ARHGAP44: variants seen among roughly 807,000 people sequenced by gnomAD.
ARHGAP44 encodes the protein rho GTPase-activating protein 44.
Under a neutral mutation model 106.8 loss-of-function variants are expected in ARHGAP44, and 43 were observed. That is an observed-to-expected ratio of 0.40 (90% CI 0.32 to 0.52). ARHGAP44 has a LOEUF of 0.52. Ranked by LOEUF, ARHGAP44 falls within the 20% of genes least tolerant of loss-of-function variation. ARHGAP44 has a pLI of 0.48. For synonymous variants in ARHGAP44, 439 were observed against 410.3 expected (o/e 1.07, Z -0.85); for missense variants, 866 against 1,050.5 (o/e 0.82, Z 2.43).
chr17:12,915,463 T>C (rs541295888), intron 4 of ARHGAP44, among the ~76,000 whole-genome samples: 2 of 152,358 alleles, frequency 1.3e-5, no homozygotes, highest in South Asian at 2.1e-4. Context: ...GATAATTGTC[T>C]ATATATCCAT....
In ARHGAP44 at chr17:12,949,392, T is replaced by C; in HGVS notation, c.973+141T>C. 1.0e-6 allele frequency: 1 copy of C among 968,772 alleles called. No individual in the cohort carries two copies. Among genetic ancestry groups the C allele is most frequent in the Non-Finnish European group, 1.5e-6 (1 of 654,760 alleles). The allele number at this position is 968,772 out of a possible 1,614,324, so 60.0% of individuals were successfully genotyped here. ...AGATGTGTCCACTCAGTGCCCAGTT[T>C]CAGGGCTGGGTGCTCTGGCCCCTTG... On this transcript the variant is annotated intron_variant, in intron 11 of 20. Transcript: ENST00000379672. The surrounding 1 kb of genome is among the most constrained non-coding windows in gnomAD (Gnocchi z 4.1).
intron 3 of ARHGAP44, among the ~76,000 whole-genome samples, chr17:12,906,379 T>C (rs1464784967): frequency 6.6e-6 from 1 of 152,152 alleles, no homozygotes; most frequent in Non-Finnish European, 1.5e-5. Context: ...AAGGGCTCAG[T>C]CCTACAAGAC....
chr17:12,922,565 C>T (rs2038115013), intron 6 of ARHGAP44, among the ~76,000 whole-genome samples: 1 of 152,176 alleles, frequency 6.6e-6, no homozygotes, highest in Non-Finnish European at 1.5e-5. Context: ...TTTGCATCTA[C>T]AAAGAAAACC....
chr17:12,958,778 C>G lies in ARHGAP44; in HGVS notation c.1404C>G (p.Asn468Lys), dbSNP rs780863448. The G allele has an allele frequency of 1.2e-6, 2 of 1,613,800 alleles. No individual in the cohort carries two copies. Among genetic ancestry groups the G allele is most frequent in the Non-Finnish European group, 1.7e-6 (2 of 1,179,826 alleles). ...GSPVHVNHNA[N>K]YSSMPSPDMD... ...CAGTACACGTGAACCATAATGCCAA[C>G]TACAGCTCAATGCCCTCCCCAGACA... The change falls in exon 16 of 21, where the codon AAC becomes AAG. Residue 468 changes from asparagine to lysine, a missense_variant. Physicochemically the swap from Asn to Lys is moderately conservative, Grantham distance 94 (BLOSUM62 0). This residue lies in a region of ARHGAP44 where 448 missense variants were observed against 646.9 expected (regional missense o/e 0.69). Transcript: ENST00000379672. This position sits in a 1 kb window ranked among gnomAD's most constrained non-coding sequence, Gnocchi z 4.1.
intron 1 of ARHGAP44, among the ~76,000 whole-genome samples, chr17:12,801,751 G>T (rs1268408670): frequency 1.3e-5 from 2 of 152,084 alleles, no homozygotes; most frequent in Non-Finnish European, 2.9e-5. Flanking sequence ...AGAAAAGTCT[G>T]GAAGGAAATC....
At chr17:12,965,742 A>G (rs2039375231) in intron 16 of ARHGAP44, among the ~76,000 whole-genome samples, 1 of 152,194 alleles carries the variant, frequency 6.6e-6, no homozygotes, top group Admixed American at 6.5e-5. Context: ...CATTTCCCAA[A>G]TTTAGTATAT....
intron 1 of ARHGAP44, among the ~76,000 whole-genome samples, chr17:12,838,870 GTA>G (rs1028090568): frequency 6.6e-6 from 1 of 151,084 alleles, no homozygotes; most frequent in Non-Finnish European, 1.5e-5. Flanking sequence ...GTATATATAT[GTA>G]TATATATATA....
At position 12,990,231 on chromosome 17, in the gene ARHGAP44, A is replaced by T. The variant is rs1300458317; in HGVS notation, c.*60A>T. 6.4e-7 allele frequency: 1 copy of T among 1,562,530 alleles called. No individual in the cohort carries two copies. Among genetic ancestry groups the T allele is most frequent in the Admixed American group, 1.7e-5 (1 of 57,174 alleles). ...CATCACGGGCCCTAGGAACGCCGCCAGGAGCAGCGTCCATGAGCTTGCCAA... is the reference window on the plus strand; with the variant it reads ...CATCACGGGCCCTAGGAACGCCGCCTGGAGCAGCGTCCATGAGCTTGCCAA... On this transcript the variant is annotated 3_prime_UTR_variant, in exon 21 of 21. Coordinates refer to ENST00000379672, the MANE Select transcript of ARHGAP44 (RefSeq NM_014859.6).
chr17:12,895,109 G>A (rs534511203), intron 2 of ARHGAP44, 130 bp downstream of exon 2: 8 of 753,144 alleles, frequency 1.1e-5, no homozygotes, highest in African/African-American at 5.4e-5. Context: ...CCAGCCTGGC[G>A]ATACAGCGAG....
At chr17:12,955,283 C>T (rs192644232) in intron 13 of ARHGAP44, among the ~76,000 whole-genome samples, 64 of 152,272 alleles carry the variant, frequency 4.2e-4, no homozygotes, top group Admixed American at 3.3e-3. Context: ...GGGTCATTTC[C>T]ACCCTTCGGC....
intron 1 of ARHGAP44, among the ~76,000 whole-genome samples, chr17:12,855,526 AT>A (rs11478691): frequency 0.68 from 101,608 of 150,400 alleles, 34,420 homozygotes; most frequent in African/African-American, 0.73. Flanking sequence ...TCAGCATTTT[AT>A]TTTTTTTTAC....
intron 10 of ARHGAP44, among the ~76,000 whole-genome samples, chr17:12,948,531 C>G (rs2038910693): frequency 6.6e-6 from 1 of 151,994 alleles, no homozygotes; most frequent in African/African-American, 2.4e-5. Flanking sequence ...ATTAGCTGGA[C>G]ATGGTGGCGG....
intron 6 of ARHGAP44, among the ~76,000 whole-genome samples, chr17:12,922,725 A>G (rs1224770786): frequency 2.7e-5 from 4 of 147,026 alleles, no homozygotes; most frequent in Non-Finnish European, 6.1e-5. Flanking sequence ...CAGCCTCCCG[A>G]GTAGCTGGGA....
intron 3 of ARHGAP44, among the ~76,000 whole-genome samples, chr17:12,906,622 AT>A (rs2037558069): frequency 6.6e-6 from 1 of 152,182 alleles, no homozygotes; most frequent in South Asian, 2.1e-4. Flanking sequence ...GATGTTTATT[AT>A]TTATCTTCAC....
intron 4 of ARHGAP44, among the ~76,000 whole-genome samples, chr17:12,913,252 C>G (rs144753390): frequency 1.3e-5 from 2 of 151,680 alleles, no homozygotes; most frequent in African/African-American, 4.8e-5. Flanking sequence ...TTTTTTTAAT[C>G]AAGTTAAGCA....
intron 1 of ARHGAP44, among the ~76,000 whole-genome samples, chr17:12,876,152 C>G (rs1378466804): frequency 2.0e-5 from 3 of 152,182 alleles, no homozygotes; most frequent in African/African-American, 7.2e-5. Context: ...TGACCTCTTT[C>G]CATGTGTCCT....
At chr17:12,950,065 G>C (rs2270050) in intron 12 of ARHGAP44, among the ~76,000 whole-genome samples, 74,309 of 152,012 alleles carry the variant, frequency 0.49, 18,489 homozygotes, top group East Asian at 0.62. Context: ...ATAATGAAAG[G>C]AAGTTAACAA....
At chr17:12,805,749 A>C (rs750998392) in intron 1 of ARHGAP44, among the ~76,000 whole-genome samples, 1 of 152,214 alleles carries the variant, frequency 6.6e-6, no homozygotes, top group South Asian at 2.1e-4. Context: ...AGCATGCAGC[A>C]TGTTTACTAG....
chr17:12,817,937 A>T (rs1215969508), intron 1 of ARHGAP44, among the ~76,000 whole-genome samples: 1 of 151,992 alleles, frequency 6.6e-6, no homozygotes, highest in Non-Finnish European at 1.5e-5. Context: ...TGTACCAAAC[A>T]TTTGAGGGAA....
Sources: gnomAD v4.1 joint callset for allele counts (sites outside exome capture counted in the v4.1 genomes callset) on GRCh38, gnomAD v4.1.1 for gene constraint, gnomAD v4.1.1 regional missense constraint, Gnocchi (gnomAD v3.1) non-coding constraint, MANE v1.5 for transcripts, NCBI Gene and HGNC (gene_info 2026-07-23, HGNC 2026-07-21) for gene names.